The following UQCRB variants were observed in gnomAD, a reference collection of about 807,000 sequenced individuals.
UQCRB encodes cytochrome b-c1 complex subunit 7.
UQCRB carries 12 observed loss-of-function variants against 19.8 expected under a neutral mutation model. The observed-to-expected ratio is 0.61, with a 90% CI of 0.39 to 0.98. The LOEUF (loss-of-function observed/expected upper bound fraction) is 0.98. Ranked by LOEUF, UQCRB falls within the 50% of genes least tolerant of loss-of-function variation. The pLI is 0.00. For synonymous variants in UQCRB, 39 were observed against 42.9 expected (o/e 0.91, Z 0.35); for missense variants, 142 against 131.8 (o/e 1.08, Z -0.38).
rs1488272480 is a variant in UQCRB at position 96,227,408 on chromosome 8, A to G, written c.*3647T>C. 6.6e-6 allele frequency: 3 copies of G among 454,118 alleles called. No individual in the cohort carries two copies. Among genetic ancestry groups the G allele is most frequent in the Non-Finnish European group, 1.3e-5 (3 of 226,782 alleles). 28.1% of individuals were successfully genotyped at this position (454,118 alleles called of 1,614,324 possible). On this transcript the variant is annotated 3_prime_UTR_variant, in exon 4 of 4. Transcript: ENST00000287022. ...ACACTAAGTTGTAAAGTTATAGGGC[A>G]TCGCCACCTAGTGGCAGAATTTCAT...
chr8:96,224,306 G>A lies in UQCRB; in HGVS notation c.*6749C>T, dbSNP rs1809492416. 6.6e-6 allele frequency among the ~76,000 whole-genome samples: 1 copy of A among 152,180 alleles called. No individual in the cohort carries two copies. Among genetic ancestry groups the A allele is most frequent in the South Asian group, 2.1e-4 (1 of 4,836 alleles). ...TCTTGAGAGGGGCTGCCTGACAGGA[G>A]CTGTAGCTTTCTTCAGAGGAACGTG... On this transcript the variant is annotated 3_prime_UTR_variant, in exon 4 of 4. Coordinates refer to ENST00000287022, the MANE Select transcript of UQCRB (RefSeq NM_006294.5).
At chr8:96,233,420 CTA>C (rs1809723526) in intron 1 of UQCRB, 193 bp from the exon 2 acceptor site, 1 of 561,950 alleles carries the variant, frequency 1.8e-6, no homozygotes, top group Non-Finnish European at 3.1e-6. Flanking sequence ...AGTTTATACT[CTA>C]TAAAATGTTG....
intron 1 of UQCRB, chr8:96,234,480 T>C: frequency 7.8e-7 from 1 of 1,288,580 alleles, no homozygotes; most frequent in African/African-American, 1.5e-5. Context: ...CTGGTCTATG[T>C]AGTTCCCAAA....
rs1320173795 is a variant in UQCRB at position 96,230,636 on chromosome 8, G to A, written c.*419C>T. The A allele has an allele frequency of 2.2e-6, 1 of 457,840 alleles. No individual in the cohort carries two copies. Among genetic ancestry groups the A allele is most frequent in the South Asian group, 1.6e-5 (1 of 64,502 alleles). The allele number at this position is 457,840 out of a possible 1,614,324, so 28.4% of individuals were successfully genotyped here. ...GACATAATTTCTTTTTAAATGATAG[G>A]ATGCAAAATCAAATCTGTTTGCATA... is the stretch of plus-strand genomic sequence containing the variant. On this transcript the variant is annotated 3_prime_UTR_variant, in exon 4 of 4. Transcript: ENST00000287022.
chr8:96,228,021 G>A lies in UQCRB; in HGVS notation c.*3034C>T, dbSNP rs1344634675. On this transcript the variant is annotated 3_prime_UTR_variant, in exon 4 of 4. Transcript: ENST00000287022. ...CAATCTGGAACTAGGACCACAGCTG[G>A]CAATTGGGGGTCTGAAGGCCCGACA... The A allele has an allele frequency of 4.4e-6, 2 of 454,052 alleles. No individual in the cohort carries two copies. Among genetic ancestry groups the A allele is most frequent in the Non-Finnish European group, 8.8e-6 (2 of 226,792 alleles). The allele number at this position is 454,052 out of a possible 1,614,324, so 28.1% of individuals were successfully genotyped here.
Position 96,229,236 on chromosome 8 carries a change from C to G in UQCRB, c.*1819G>C, listed in dbSNP as rs1257173975. On this transcript the variant is annotated 3_prime_UTR_variant, in exon 4 of 4. Coordinates refer to ENST00000287022, the MANE Select transcript of UQCRB (RefSeq NM_006294.5). The stretch of plus-strand genomic sequence containing the variant: ...AGAGGTTGCCTTATGTAATACCACA[C>G]TTTACCTTGAGCAGGTGGATAGCCT... 2.2e-6 allele frequency: 1 copy of G among 454,006 alleles called. No individual in the cohort carries two copies. The highest frequency in any genetic ancestry group is 2.0e-5 in the African/African-American group (1 of 50,018). The allele number at this position is 454,006 out of a possible 1,614,324, so 28.1% of individuals were successfully genotyped here. A position where few individuals can be genotyped will look rare whatever the true frequency, so the allele number is the denominator to read the frequency against.
Position 96,227,273 on chromosome 8 carries a change from T to C in UQCRB, c.*3782A>G. 1 of 454,010 alleles carries C rather than the reference T, an allele frequency of 2.2e-6. No homozygotes were observed. The highest frequency in any genetic ancestry group is 1.6e-5 in the South Asian group (1 of 64,472). The allele number at this position is 454,010 out of a possible 1,614,324, so 28.1% of individuals were successfully genotyped here. ...ATCAGTATATAGCTTAGTAGTAAAT[T>C]CTCCTGATGGCCATAAACCTCTAAG... is the stretch of plus-strand genomic sequence containing the variant. On this transcript the variant is annotated 3_prime_UTR_variant, in exon 4 of 4. Transcript: ENST00000287022.
In UQCRB at chr8:96,231,019, T is replaced by G. The variant is rs1480898127; in HGVS notation, c.*36A>C. 2 of 1,590,536 alleles carry G rather than the reference T, an allele frequency of 1.3e-6. No homozygotes were observed. The highest frequency in any genetic ancestry group is 2.7e-5 in the African/African-American group (2 of 74,372). ...TTGTTTGTTTCAAGTTTAACCATCT[T>G]CATAACAGCTGCATCCACAGACTTC... On this transcript the variant is annotated 3_prime_UTR_variant, in exon 4 of 4. Coordinates refer to ENST00000287022, the MANE Select transcript of UQCRB (RefSeq NM_006294.5).
At position 96,226,694 on chromosome 8, in the gene UQCRB, T is replaced by C; in HGVS notation, c.*4361A>G. 2.9e-6 allele frequency: 1 copy of C among 346,284 alleles called. No individual in the cohort carries two copies. Among genetic ancestry groups the C allele is most frequent in the South Asian group, 2.4e-5 (1 of 42,472 alleles). The allele number at this position is 346,284 out of a possible 1,614,324, so 21.5% of individuals were successfully genotyped here. A position where few individuals can be genotyped will look rare whatever the true frequency, so the allele number is the denominator to read the frequency against. On this transcript the variant is annotated 3_prime_UTR_variant, in exon 4 of 4. Transcript: ENST00000287022. ...AACTGGATAATGTTACCAGAAGTTTTCAGGGGTTTATTTTAAAATTACATT... is the reference window on the plus strand; with the variant it reads ...AACTGGATAATGTTACCAGAAGTTTCCAGGGGTTTATTTTAAAATTACATT...
At chr8:96,231,986 G>C in intron 2 of UQCRB, 46 bp from the exon 3 acceptor site, 1 of 1,603,332 alleles carries the variant, frequency 6.2e-7, no homozygotes, top group Non-Finnish European at 8.5e-7. Flanking sequence ...CTCAAAAATC[G>C]CGGTTTTTTT....
At position 96,229,262 on chromosome 8, in the gene UQCRB, G is replaced by T. The variant is rs1168635835; in HGVS notation, c.*1793C>A. ...TTTACCTTGAGCAGGTGGATAGCCT[G>T]GGGGTTCCTGTTATACCTCAGTCTT... On this transcript the variant is annotated 3_prime_UTR_variant, in exon 4 of 4. Transcript: ENST00000287022. 6.6e-6 allele frequency: 3 copies of T among 453,996 alleles called. No individual in the cohort carries two copies. Among genetic ancestry groups the T allele is most frequent in the East Asian group, 1.4e-4 (2 of 14,400 alleles). The allele number at this position is 453,996 out of a possible 1,614,324, so 28.1% of individuals were successfully genotyped here. A position where few individuals can be genotyped will look rare whatever the true frequency, so the allele number is the denominator to read the frequency against.
chr8:96,231,599 G>GT (rs1310906450), intron 3 of UQCRB, 175 bp downstream of exon 3: 2 of 1,323,948 alleles, frequency 1.5e-6, no homozygotes, highest in Non-Finnish European at 1.1e-6. Context: ...CATTTCACAC[G>GT]TAAGACTCAA....
At chr8:96,231,374 C>G in intron 3 of UQCRB, 1 of 1,540,916 alleles carries the variant, frequency 6.5e-7, no homozygotes. Flanking sequence ...TGAATGTCCA[C>G]AGGCCTTTGC....
chr8:96,234,526 T>C (rs1200440278), intron 1 of UQCRB: 6 of 1,285,262 alleles, frequency 4.7e-6, no homozygotes, highest in Non-Finnish European at 6.1e-6. Context: ...TTAGTAAGAC[T>C]CCTTCAATAT....
Position 96,229,035 on chromosome 8 carries a change from C to T in UQCRB, c.*2020G>A, listed in dbSNP as rs1340471347. The stretch of plus-strand genomic sequence containing the variant: ...CACCTGTGTGAGCCAAATACTAGAT[C>T]TACTTTCTTAGTCTTCATAACAAGC... On this transcript the variant is annotated 3_prime_UTR_variant, in exon 4 of 4. Coordinates refer to ENST00000287022, the MANE Select transcript of UQCRB (RefSeq NM_006294.5). 2.2e-6 allele frequency: 1 copy of T among 453,962 alleles called. No homozygotes were observed. Among genetic ancestry groups the T allele is most frequent in the African/African-American group, 2.0e-5 (1 of 49,998 alleles). The allele number at this position is 453,962 out of a possible 1,614,324, so 28.1% of individuals were successfully genotyped here. A position where few individuals can be genotyped will look rare whatever the true frequency, so the allele number is the denominator to read the frequency against.
intron 1 of UQCRB, 73 bp from the exon 2 acceptor site, chr8:96,233,300 G>C (rs1390249507): frequency 2.9e-6 from 4 of 1,395,514 alleles, no homozygotes; most frequent in East Asian, 2.3e-5. Flanking sequence ...CAAGCAACCA[G>C]TACTCAGTTA....
chr8:96,232,027 C>T, intron 2 of UQCRB, 87 bp from the exon 3 acceptor site: 1 of 1,317,468 alleles, frequency 7.6e-7, no homozygotes, highest in South Asian at 1.2e-5. Context: ...TGACTTATAA[C>T]TTACAACTTT....
At position 96,231,887 on chromosome 8, in the gene UQCRB, T is replaced by C; in HGVS notation, c.145A>G (p.Arg49Gly). 6.2e-7 allele frequency: 1 copy of C among 1,614,056 alleles called. No individual in the cohort carries two copies. The highest frequency in any genetic ancestry group is 8.5e-7 in the Non-Finnish European group (1 of 1,180,024). The part of the protein sequence containing the change: ...YEDEDVKEAI[R>G]RLPENLYNDR... Reference sequence around the variant, plus strand: ...TTATAAAGGTTCTCAGGAAGTCTTCTTATGGCTTCTTTTACATCTTCATCC... The same window carrying C: ...TTATAAAGGTTCTCAGGAAGTCTTCCTATGGCTTCTTTTACATCTTCATCC... Residue 49 changes from arginine to glycine, a missense_variant, in exon 3 of 4, where the codon AGA becomes GGA. Arg to Gly is a moderately radical substitution (Grantham distance 125). Around this residue, in one of 2 missense-constraint regions of UQCRB, gnomAD observed 132 missense variants for 107.5 expected, o/e 1.23. Transcript: ENST00000287022.
intron 1 of UQCRB, chr8:96,235,262 C>T (rs2129829733): frequency 3.3e-6 from 2 of 609,966 alleles, no homozygotes; most frequent in South Asian, 3.9e-5. Flanking sequence ...GCTGGAACTC[C>T]AGGGCTGTCA....
Sources: gnomAD v4.1 joint callset for allele counts (sites outside exome capture counted in the v4.1 genomes callset) on GRCh38, gnomAD v4.1.1 for gene constraint, gnomAD v4.1.1 regional missense constraint, MANE v1.5 for transcripts, NCBI Gene and HGNC (gene_info 2026-07-23, HGNC 2026-07-21) for gene names.